STAU2: variants seen among roughly 807,000 people sequenced by gnomAD.
STAU2 encodes the protein staufen double-stranded RNA binding protein 2, also known as double-stranded RNA-binding protein Staufen homolog 2.
In STAU2, 20 loss-of-function variants were observed where a neutral mutation model predicts 65.9. The ratio of observed to expected loss-of-function variants is 0.30; its 90% CI spans 0.21 to 0.44. The LOEUF (loss-of-function observed/expected upper bound fraction) is 0.44. Ranked by LOEUF, STAU2 falls within the 20% of genes least tolerant of loss-of-function variation. The pLI, the probability that STAU2 is intolerant of heterozygous loss-of-function variation, is 1.00. For missense variants in STAU2, 558 were observed against 683.9 expected, an observed-to-expected ratio of 0.82 and a Z score of 2.05; for synonymous variants, 232 against 233.9, an observed-to-expected ratio of 0.99 and a Z score of 0.07.
intron 6 of STAU2, among the ~76,000 whole-genome samples, chr8:73,641,738 G>A (rs1333401669): frequency 2.0e-5 from 3 of 152,156 alleles, no homozygotes; most frequent in Non-Finnish European, 4.4e-5. Flanking sequence ...CACTTTTTGT[G>A]TGTCATACTT....
intron 13 of STAU2, among the ~76,000 whole-genome samples, chr8:73,468,956 T>C (rs57615587): frequency 0.3 from 45,258 of 151,386 alleles, 7,325 homozygotes; most frequent in East Asian, 0.55. Context: ...CATTACTGAG[T>C]ATATACCCAA....
In STAU2 at chr8:73,718,075, G is replaced by C. The variant is rs546586287; in HGVS notation, c.-17-8913C>G. On this transcript the variant is annotated intron_variant, in intron 3 of 14. Transcript: ENST00000524300. ...ACTGTTATGTGAATCAGCAATTATA[G>C]AGCCATTGCTCCCAGGGGAACTAAC... is the stretch of plus-strand genomic sequence containing the variant. Among the ~76,000 whole-genome samples, 189 of 152,278 alleles carry C rather than the reference G, an allele frequency of 1.2e-3. 2 individuals carry two copies. The highest frequency in any genetic ancestry group is 4.0e-3 in the African/African-American group (165 of 41,554).
At chr8:73,551,898 G>T (rs1037035014) in intron 13 of STAU2, 114 bp downstream of exon 13, 1 of 1,363,588 alleles carries the variant, frequency 7.3e-7, no homozygotes, top group African/African-American at 1.4e-5. Flanking sequence ...AACTTAAAAC[G>T]TAAGTGGCAT....
rs1820716087 is a variant in STAU2, at chr8:73,709,126, T to C, written c.20A>G (p.Lys7Arg). ...CTCATTTACCAGACACATTGCAGTT[T>C]TCTCTTTTGGGTTTGCCATTTTATC... MANPKE[K>R]TAMCLVNELA... The change falls in exon 4 of 15, where the codon AAA becomes AGA. Residue 7 changes from lysine to arginine, a missense_variant. Physicochemically the swap from Lys to Arg is conservative, Grantham distance 26. This residue lies in a region of STAU2 where 112 missense variants were observed against 114.2 expected (regional missense o/e 0.98). Coordinates refer to ENST00000524300, the MANE Select transcript of STAU2 (RefSeq NM_001164380.2). The C allele has an allele frequency of 6.5e-7, 1 of 1,531,462 alleles. No homozygotes were observed. The highest frequency in any genetic ancestry group is 1.2e-5 in the South Asian group (1 of 82,968). 94.9% of individuals were successfully genotyped at this position (1,531,462 alleles called of 1,614,324 possible).
At chr8:73,609,848 T>C (rs1003656749) in intron 9 of STAU2, among the ~76,000 whole-genome samples, 5 of 152,226 alleles carry the variant, frequency 3.3e-5, no homozygotes, top group Admixed American at 6.5e-5. Flanking sequence ...TCCAGTGGCA[T>C]ACTGTCTTTA....
At chr8:73,743,774 ATT>A (rs202012327) in intron 1 of STAU2, among the ~76,000 whole-genome samples, 28 of 123,518 alleles carry the variant, frequency 2.3e-4, no homozygotes, top group East Asian at 7.2e-4. Flanking sequence ...ATGCCCGGAC[ATT>A]TTTTTTTTTT....
chr8:73,459,394 T>G (rs777676824), intron 13 of STAU2, among the ~76,000 whole-genome samples: 6 of 152,198 alleles, frequency 3.9e-5, no homozygotes, highest in Admixed American at 1.3e-4. Flanking sequence ...TCTATAGAAA[T>G]AGCCTTTGAG....
chr8:73,741,804 C>A (rs1038580417), intron 1 of STAU2, among the ~76,000 whole-genome samples: 1 of 152,208 alleles, frequency 6.6e-6, no homozygotes, highest in African/African-American at 2.4e-5. Context: ...TGAGCCACCA[C>A]GCCCGGCCCG....
chr8:73,729,342 A>C (rs955345165), intron 3 of STAU2, among the ~76,000 whole-genome samples: 4 of 152,184 alleles, frequency 2.6e-5, no homozygotes, highest in Admixed American at 6.5e-5. Context: ...CATCTTTATT[A>C]ATAAGGAATA....
chr8:73,619,527 C>T (rs560710934), intron 6 of STAU2, among the ~76,000 whole-genome samples: 6 of 152,214 alleles, frequency 3.9e-5, no homozygotes, highest in South Asian at 2.1e-4. Flanking sequence ...CTGGATAGAG[C>T]GCATCATGTA....
At chr8:73,457,907 G>A (rs893549858) in intron 13 of STAU2, among the ~76,000 whole-genome samples, 13 of 152,326 alleles carry the variant, frequency 8.5e-5, no homozygotes, top group African/African-American at 2.9e-4. Flanking sequence ...TCTTGTGGAG[G>A]TGAATGGGGT....
intron 6 of STAU2, among the ~76,000 whole-genome samples, chr8:73,630,207 T>C (rs896829190): frequency 1.4e-4 from 21 of 152,254 alleles, no homozygotes; most frequent in Admixed American, 1.2e-3. Context: ...CAATTACCTA[T>C]GCTCTCCTTT....
At chr8:73,709,653 C>T (rs565841570) in intron 3 of STAU2, among the ~76,000 whole-genome samples, 30 of 151,916 alleles carry the variant, frequency 2.0e-4, no homozygotes, top group Non-Finnish European at 1.2e-4. Context: ...TACAATTTTT[C>T]GGTAACTCTA....
intron 14 of STAU2, among the ~76,000 whole-genome samples, chr8:73,422,081 G>T (rs1351301525): frequency 1.3e-5 from 2 of 151,696 alleles, no homozygotes; most frequent in African/African-American, 4.8e-5. Flanking sequence ...AAATAATTAC[G>T]ACAGCTGCAT....
At chr8:73,632,392 T>TCC (rs1814167776) in intron 6 of STAU2, among the ~76,000 whole-genome samples, 2 of 152,186 alleles carry the variant, frequency 1.3e-5, no homozygotes, top group African/African-American at 4.8e-5. Flanking sequence ...CTTAAGTATT[T>TCC]GAGGAATCAA....
At chr8:73,484,346 A>C (rs934291359) in intron 13 of STAU2, among the ~76,000 whole-genome samples, 9 of 152,154 alleles carry the variant, frequency 5.9e-5, no homozygotes, top group African/African-American at 2.2e-4. Flanking sequence ...TTGAAAGGTT[A>C]AAAGACAAAG....
At chr8:73,630,478 T>C in intron 6 of STAU2, among the ~76,000 whole-genome samples, 1 of 152,228 alleles carries the variant, frequency 6.6e-6, no homozygotes. Context: ...TGGCCTCGGG[T>C]TATGATGGTT....
intron 13 of STAU2, among the ~76,000 whole-genome samples, chr8:73,426,041 C>T (rs374470643): frequency 1.6e-4 from 25 of 152,210 alleles, no homozygotes. Context: ...GATCCACCTG[C>T]CCCAGCCTCC....
intron 6 of STAU2, among the ~76,000 whole-genome samples, chr8:73,632,937 G>C (rs77241918): frequency 6.6e-6 from 1 of 152,136 alleles, no homozygotes; most frequent in African/African-American, 2.4e-5. Flanking sequence ...CTCAACAAAG[G>C]GAAAAGTTTA....
Sources: gnomAD v4.1 joint callset for allele counts (sites outside exome capture counted in the v4.1 genomes callset) on GRCh38, gnomAD v4.1.1 for gene constraint, gnomAD v4.1.1 regional missense constraint, MANE v1.5 for transcripts, NCBI Gene and HGNC (gene_info 2026-07-23, HGNC 2026-07-21) for gene names.